The following DIAPH2 variants were observed in gnomAD, a reference collection of about 807,000 sequenced individuals.
DIAPH2 encodes diaphanous related formin 2.
In DIAPH2, 35 loss-of-function variants were observed where a neutral mutation model predicts 92.7. The ratio of observed to expected loss-of-function variants is 0.38; its 90% CI spans 0.29 to 0.50. The LOEUF (loss-of-function observed/expected upper bound fraction) is 0.50. Among genes scored for constraint, DIAPH2 ranks in the 20% least tolerant of loss-of-function variants. The pLI is 0.94. For missense variants in DIAPH2, 701 were observed against 819.5 expected (o/e 0.86, Z 1.77); for synonymous variants, 301 against 280.4 (o/e 1.07, Z -0.73).
At chrX:97,031,659 A>G (rs2066375293) in intron 17 of DIAPH2, among the ~76,000 whole-genome samples, 1 of 111,225 alleles carries the variant, frequency 9.0e-6, no homozygotes, top group Admixed American at 9.6e-5. Flanking sequence ...CATAAATAAG[A>G]CTCTGTGTCC....
At chrX:97,326,883 T>G (rs1039660644) in intron 23 of DIAPH2, among the ~76,000 whole-genome samples, 1 of 111,918 alleles carries the variant, frequency 8.9e-6, no homozygotes, top group Non-Finnish European at 1.9e-5. Context: ...GTATTTTTAA[T>G]TGGTCATCTC....
intron 26 of DIAPH2, among the ~76,000 whole-genome samples, chrX:97,430,361 G>C (rs1296627175): frequency 8.9e-6 from 1 of 112,493 alleles, no homozygotes; most frequent in African/African-American, 3.2e-5. Flanking sequence ...AAGTGAACTG[G>C]AAAGTTGTCT....
intron 22 of DIAPH2, among the ~76,000 whole-genome samples, chrX:97,215,373 C>A (rs1465360949): frequency 8.9e-6 from 1 of 111,876 alleles, no homozygotes; most frequent in Non-Finnish European, 1.9e-5. Flanking sequence ...TGGTATGAAT[C>A]ATTCATGTAC....
intron 26 of DIAPH2, among the ~76,000 whole-genome samples, chrX:97,592,113 T>G (rs967816485): frequency 5.3e-5 from 6 of 112,452 alleles, no homozygotes; most frequent in African/African-American, 1.9e-4. Context: ...TAGATAAAAG[T>G]AAGTATTGCA....
chrX:96,912,631 TA>T (rs934444939), intron 7 of DIAPH2, 79 bp downstream of exon 7: 14 of 1,022,457 alleles, frequency 1.4e-5, no homozygotes, highest in South Asian at 9.7e-5. Flanking sequence ...ATGAACAAAA[TA>T]TTTTTTTATT....
At chrX:97,199,179 A>T (rs2067727395) in intron 22 of DIAPH2, among the ~76,000 whole-genome samples, 1 of 110,201 alleles carries the variant, frequency 9.1e-6, no homozygotes, top group Non-Finnish European at 1.9e-5. Context: ...CAATCTAAGT[A>T]ATCTTCCCAT....
chrX:96,916,283 AAGAC>A (rs1193875361), intron 7 of DIAPH2, among the ~76,000 whole-genome samples, 151 bp from the exon 8 acceptor site: 2 of 111,298 alleles, frequency 1.8e-5, no homozygotes, highest in African/African-American at 3.3e-5. Flanking sequence ...ATAAAAAACA[AAGAC>A]AGATAACTGC....
At chrX:97,151,690 G>T (rs189884288) in intron 22 of DIAPH2, among the ~76,000 whole-genome samples, 190 of 111,464 alleles carry the variant, frequency 1.7e-3, no homozygotes, top group Non-Finnish European at 2.7e-3. Context: ...CCAATAACCT[G>T]TCGCTGCTGT....
At chrX:97,524,191 C>A (rs1176923148) in intron 26 of DIAPH2, among the ~76,000 whole-genome samples, 1 of 111,841 alleles carries the variant, frequency 8.9e-6, no homozygotes, top group African/African-American at 3.2e-5. Context: ...CCTCTAGTTA[C>A]CCAAAGACTC....
chrX:97,598,460 T>G (rs2071569831), intron 26 of DIAPH2, among the ~76,000 whole-genome samples: 2 of 111,845 alleles, frequency 1.8e-5, no homozygotes, highest in African/African-American at 6.5e-5. Context: ...ATATTATGCT[T>G]TTGTCAGAAA....
chrX:97,044,417 A>G (rs2066467213), intron 17 of DIAPH2, among the ~76,000 whole-genome samples: 1 of 111,725 alleles, frequency 9.0e-6, no homozygotes, highest in East Asian at 2.8e-4. Context: ...TTAGAGAAAC[A>G]TAAACATGCA....
intron 4 of DIAPH2, among the ~76,000 whole-genome samples, chrX:96,844,670 A>T (rs2064959381): frequency 8.9e-6 from 1 of 112,401 alleles, no homozygotes; most frequent in Non-Finnish European, 1.9e-5. Context: ...ATCGTAGTAT[A>T]TGGTGATACT....
chrX:96,874,669 C>G (rs1311079928), intron 4 of DIAPH2, among the ~76,000 whole-genome samples: 2 of 111,686 alleles, frequency 1.8e-5, no homozygotes, highest in African/African-American at 6.5e-5. Flanking sequence ...TCAAATGAGG[C>G]TATTGTTTTA....
chrX:97,440,135 A>G (rs2070238107), intron 26 of DIAPH2, among the ~76,000 whole-genome samples: 1 of 111,738 alleles, frequency 8.9e-6, no homozygotes, highest in African/African-American at 3.3e-5. Flanking sequence ...AGGTACTTCT[A>G]GGAAATACCC....
rs1028419696 is a variant in DIAPH2 at position 96,990,174 on chromosome X, C to A, written c.2050+24967C>A. On this transcript the variant is annotated intron_variant, in intron 17 of 26. Coordinates refer to ENST00000324765, the MANE Select transcript of DIAPH2 (RefSeq NM_006729.5). ...ACCCTAGAGAAAGTAGAGAGCTAAG[C>A]AGTAGAAAAAGCTATTTGTGCCAGG... Among the ~76,000 whole-genome samples the A allele has an allele frequency of 2.7e-5, 3 of 112,102 alleles. No homozygotes were observed. The Admixed American group carries it at 2.8e-4, about 11-fold the overall frequency.
Position 97,320,426 on chromosome X carries a change from C to T in DIAPH2, c.2845-27690C>T, listed in dbSNP as rs2068882213. On this transcript the variant is annotated intron_variant, in intron 23 of 26. Transcript: ENST00000324765. Reference sequence around the variant, plus strand: ...ACTGATCACCCTTAAAATTATCTCTCAATTTGGCCAGGCGCGGTAGCTCTT... The same window carrying T: ...ACTGATCACCCTTAAAATTATCTCTTAATTTGGCCAGGCGCGGTAGCTCTT... 1.8e-5 allele frequency among the ~76,000 whole-genome samples: 2 copies of T among 110,098 alleles called. 1 individual carries two copies. Among genetic ancestry groups the T allele is most frequent in the Admixed American group, 2.0e-4 (2 of 10,172 alleles).
chrX:97,043,121 A>G (rs2066458492), intron 17 of DIAPH2, among the ~76,000 whole-genome samples: 1 of 111,835 alleles, frequency 8.9e-6, no homozygotes, highest in African/African-American at 3.2e-5. Context: ...TGTTTTCCCT[A>G]TTGGTAGTTT....
chrX:97,281,226 A>G (rs995771419), intron 23 of DIAPH2, among the ~76,000 whole-genome samples: 2 of 111,828 alleles, frequency 1.8e-5, no homozygotes, highest in African/African-American at 6.5e-5. Flanking sequence ...TATAAACACA[A>G]CGTTGGAATA....
chrX:97,382,705 G>A (rs2069562304), intron 24 of DIAPH2, among the ~76,000 whole-genome samples: 1 of 111,682 alleles, frequency 9.0e-6, no homozygotes, highest in African/African-American at 3.3e-5. Context: ...GGAGAAAGGG[G>A]AGGTACCAGT....
Sources: allele counts gnomAD v4.1 joint callset (sites outside exome capture counted in the v4.1 genomes callset), GRCh38; gene constraint gnomAD v4.1.1; transcripts MANE v1.5; gene names NCBI Gene and HGNC (gene_info 2026-07-23, HGNC 2026-07-21).